The following NEGR1 variants were observed in gnomAD, a reference collection of about 807,000 sequenced individuals.
NEGR1 encodes IgLON family member 4.
In NEGR1, 10 loss-of-function variants were observed where a neutral mutation model predicts 40.9. The observed-to-expected ratio is 0.24, with a 90% CI of 0.15 to 0.42. The LOEUF (loss-of-function observed/expected upper bound fraction) is 0.42, where lower values mean the gene tolerates loss of function less well. NEGR1 is among the 10% of genes least tolerant of loss of function. The pLI is 1.00. For synonymous variants in NEGR1, 185 were observed against 166.8 expected, an observed-to-expected ratio of 1.11 and a Z score of -0.84; for missense variants, 352 against 438.9, an observed-to-expected ratio of 0.80 and a Z score of 1.77.
intron 6 of NEGR1, chr1:71,461,785 G>A (rs1301981626): frequency 6.6e-6 from 1 of 152,164 alleles, no homozygotes; most frequent in African/African-American, 2.4e-5. Flanking sequence ...TGAATGGAGA[G>A]AGCTATGAAG....
chr1:71,503,892 T>C (rs960622428), intron 6 of NEGR1, among the ~76,000 whole-genome samples: 1 of 150,938 alleles, frequency 6.6e-6, no homozygotes, highest in Non-Finnish European at 1.5e-5. Flanking sequence ...GGGCAAGAAG[T>C]CTCGCCAGCT....
chr1:71,554,529 A>G (rs1648190075), intron 6 of NEGR1, among the ~76,000 whole-genome samples: 2 of 151,564 alleles, frequency 1.3e-5, no homozygotes, highest in Admixed American at 1.3e-4. Flanking sequence ...AGGGGTGAAG[A>G]GTTTGCAACC....
rs555955085 is a variant in NEGR1, at chr1:71,446,689, T to C, written c.941-39119A>G. Among the ~76,000 whole-genome samples, 12 of 152,322 alleles carry C rather than the reference T, an allele frequency of 7.9e-5. No individual in the cohort carries two copies. The East Asian group carries it at 2.3e-3, about 29-fold the overall frequency. ...TCTTTTACTTCATTCTTCTTTCCGA[T>C]GTACATTTTAAATTGAAATACATTG... On this transcript the variant is annotated intron_variant, in intron 6 of 6. Coordinates refer to ENST00000357731, the MANE Select transcript of NEGR1 (RefSeq NM_173808.3).
intron 1 of NEGR1, among the ~76,000 whole-genome samples, chr1:72,237,501 C>T (rs1428645389): frequency 6.6e-6 from 1 of 151,932 alleles, no homozygotes; most frequent in South Asian, 2.1e-4. Flanking sequence ...AAATGCTCCA[C>T]CTTCTACTAC....
chr1:71,443,958 TAG>T (rs900220966), intron 6 of NEGR1, among the ~76,000 whole-genome samples: 2 of 152,184 alleles, frequency 1.3e-5, no homozygotes, highest in African/African-American at 4.8e-5. Flanking sequence ...TGAAAGTTGA[TAG>T]AGAGTTGAGA....
At position 71,711,713 on chromosome 1, in the gene NEGR1, T is replaced by C. The variant is rs1030030220; in HGVS notation, c.536-13574A>G. ...TTATATTAGCATTACTGACAATTGC[T>C]AAAAACTGGAAACTGCCCAAATATC... On this transcript the variant is annotated intron_variant, in intron 3 of 6. Coordinates refer to ENST00000357731, the MANE Select transcript of NEGR1 (RefSeq NM_173808.3). 1.2e-4 allele frequency among the ~76,000 whole-genome samples: 19 copies of C among 152,194 alleles called. 1 individual carries two copies. Among genetic ancestry groups the C allele is most frequent in the African/African-American group, 4.3e-4 (18 of 41,450 alleles).
At chr1:72,124,467 A>G (rs1649932830) in intron 1 of NEGR1, among the ~76,000 whole-genome samples, 1 of 152,054 alleles carries the variant, frequency 6.6e-6, no homozygotes. Flanking sequence ...CAGCCAAACA[A>G]TGACAGCAAC....
At chr1:72,045,055 C>T (rs905290492) in intron 1 of NEGR1, among the ~76,000 whole-genome samples, 26 of 151,784 alleles carry the variant, frequency 1.7e-4, no homozygotes, top group Non-Finnish European at 7.4e-5. Flanking sequence ...ATCCTTCATA[C>T]TCACAAGGAA....
intron 1 of NEGR1, among the ~76,000 whole-genome samples, chr1:72,186,722 C>T (rs1301983154): frequency 2.0e-5 from 3 of 151,610 alleles, no homozygotes; most frequent in Admixed American, 6.6e-5. Flanking sequence ...AATTTCATTG[C>T]GTTCTGTGTT....
In NEGR1 at chr1:71,398,164, G is replaced by C. The variant is rs2101244408; in HGVS notation, c.*9282C>G. On this transcript the variant is annotated 3_prime_UTR_variant, in exon 7 of 7. Coordinates refer to ENST00000357731, the MANE Select transcript of NEGR1 (RefSeq NM_173808.3). Reference sequence around the variant, plus strand: ...AACCTCTGCTAGGGCAGTGCAGAAGGAAAATGTGGAGTGAGCCCCACACAG... The same window carrying C: ...AACCTCTGCTAGGGCAGTGCAGAAGCAAAATGTGGAGTGAGCCCCACACAG... 1 of 152,386 alleles carries C rather than the reference G, an allele frequency of 6.6e-6. No individual in the cohort carries two copies. Among genetic ancestry groups the C allele is most frequent in the East Asian group, 1.9e-4 (1 of 5,182 alleles). The allele number at this position is 152,386 out of a possible 1,614,324, so 9.4% of individuals were successfully genotyped here.
intron 6 of NEGR1, among the ~76,000 whole-genome samples, chr1:71,507,725 T>A (rs2101411064): frequency 6.6e-6 from 1 of 152,296 alleles, no homozygotes; most frequent in East Asian, 1.9e-4. Context: ...GTGAAAAATA[T>A]TAATTTGGAA....
chr1:71,999,682 TAC>T (rs1553129024), intron 1 of NEGR1, among the ~76,000 whole-genome samples: 15 of 91,722 alleles, frequency 1.6e-4, no homozygotes, highest in African/African-American at 4.8e-4. Flanking sequence ...TATATATACA[TAC>T]ATATTTTTGT....
chr1:71,797,067 TA>T (rs1426935716), intron 2 of NEGR1, among the ~76,000 whole-genome samples: 3 of 152,130 alleles, frequency 2.0e-5, no homozygotes, highest in Non-Finnish European at 4.4e-5. Flanking sequence ...GACAAGCTAG[TA>T]TTGCTTGCAG....
At chr1:72,004,067 G>A (rs954405825) in intron 1 of NEGR1, among the ~76,000 whole-genome samples, 31 of 151,994 alleles carry the variant, frequency 2.0e-4, no homozygotes, top group African/African-American at 7.3e-4. Flanking sequence ...GAAGTGTGGA[G>A]AGAATGGGGG....
intron 6 of NEGR1, chr1:71,476,830 C>G (rs570491203): frequency 2.0e-5 from 3 of 152,228 alleles, no homozygotes; most frequent in African/African-American, 7.2e-5. Flanking sequence ...TGCCCATCTT[C>G]TTTTGGCTGA....
At chr1:72,183,183 G>A (rs1036348461) in intron 1 of NEGR1, among the ~76,000 whole-genome samples, 7 of 152,058 alleles carry the variant, frequency 4.6e-5, no homozygotes, top group African/African-American at 1.7e-4. Context: ...CTCTTTAAGA[G>A]ACCCTACTTC....
At chr1:71,435,718 GC>G (rs972236570) in intron 6 of NEGR1, among the ~76,000 whole-genome samples, 19 of 152,180 alleles carry the variant, frequency 1.2e-4, no homozygotes, top group Non-Finnish European at 2.6e-4. Flanking sequence ...ACCAGCTGCT[GC>G]CCATCTTTTG....
intron 2 of NEGR1, among the ~76,000 whole-genome samples, chr1:71,779,315 T>C (rs2101721777): frequency 6.6e-6 from 1 of 152,336 alleles, no homozygotes; most frequent in African/African-American, 2.4e-5. Flanking sequence ...TGCAAAAGTT[T>C]AAAGGCATGT....
chr1:71,659,559 T>A (rs1346583939), intron 4 of NEGR1, among the ~76,000 whole-genome samples: 8 of 152,040 alleles, frequency 5.3e-5, no homozygotes, highest in African/African-American at 1.7e-4. Flanking sequence ...CTGAATGAAA[T>A]AAAATATTTG....
Sources: allele counts gnomAD v4.1 joint callset (sites outside exome capture counted in the v4.1 genomes callset), GRCh38; gene constraint gnomAD v4.1.1; transcripts MANE v1.5; gene names NCBI Gene and HGNC (gene_info 2026-07-23, HGNC 2026-07-21).